Variants in CADM2 observed in about 807,000 individuals in gnomAD.
CADM2 encodes the protein immunoglobulin superfamily member 4D.
In CADM2, 12 loss-of-function variants were observed where a neutral mutation model predicts 49.8. The ratio of observed to expected loss-of-function variants is 0.24; its 90% confidence interval spans 0.15 to 0.39. The LOEUF is 0.39. Ranked by LOEUF, CADM2 falls within the 10% of genes least tolerant of loss-of-function variation. CADM2 has a pLI of 1.00. For missense variants in CADM2, 378 were observed against 492.3 expected (o/e 0.77, Z 2.20); for synonymous variants, 214 against 175.4 (o/e 1.22, Z -1.74).
chr3:85,347,223 CAAAAAAAAAAAA>C (rs11331703), intron 1 of CADM2, among the ~76,000 whole-genome samples: 2 of 46,148 alleles, frequency 4.3e-5, no homozygotes, highest in South Asian at 1.2e-3. Flanking sequence ...CTCTGTCTCA[CAAAAAAAAAAAA>C]AAAAAAAAAA....
intron 1 of CADM2, among the ~76,000 whole-genome samples, chr3:85,700,811 C>T (rs1228881879): frequency 1.3e-5 from 2 of 152,148 alleles, no homozygotes; most frequent in African/African-American, 4.8e-5. Flanking sequence ...AACAACTTAA[C>T]AAGTCTCTAA....
At chr3:86,012,766 G>A in intron 8 of CADM2, 2 of 653,756 alleles carry the variant, frequency 3.1e-6, no homozygotes, top group Non-Finnish European at 5.4e-6. Context: ...GAGGAGGTCA[G>A]CAGATCGAGA....
intron 1 of CADM2, among the ~76,000 whole-genome samples, chr3:85,236,681 A>G (rs149881364): frequency 3.8e-4 from 58 of 152,248 alleles, no homozygotes; most frequent in Non-Finnish European, 7.4e-4. Context: ...ATAACAAGCT[A>G]TGCTACCATT....
rs982773310 is a variant in CADM2, at chr3:85,867,829, T to C, written c.239-15462T>C. On this transcript the variant is annotated intron_variant, in intron 3 of 9. Coordinates refer to ENST00000383699, the MANE Select transcript of CADM2 (RefSeq NM_001167675.2). ...CAAGTATAAGAAGACCTTCACGTGA[T>C]TGATATAATCACCACTTCCTTTTCC... Among the ~76,000 whole-genome samples the C allele has an allele frequency of 2.6e-5, 4 of 152,122 alleles. No homozygotes were observed. The South Asian group carries it at 6.2e-4, about 24-fold the overall frequency.
intron 1 of CADM2, among the ~76,000 whole-genome samples, chr3:85,277,142 A>G (rs1472001768): frequency 6.6e-6 from 1 of 151,410 alleles, no homozygotes; most frequent in African/African-American, 2.4e-5. Context: ...GGAACTGATG[A>G]TTATGTTTTT....
chr3:85,624,877 A>C (rs2064079356), intron 1 of CADM2, among the ~76,000 whole-genome samples: 1 of 152,110 alleles, frequency 6.6e-6, no homozygotes. Context: ...GTTTTGATAC[A>C]TCAGCAGATC....
intron 2 of CADM2, among the ~76,000 whole-genome samples, chr3:85,747,595 C>A (rs886939987): frequency 1.3e-5 from 2 of 152,010 alleles, no homozygotes; most frequent in Non-Finnish European, 2.9e-5. Context: ...AATGGTAAAA[C>A]CTTTATTCTT....
At chr3:85,636,762 C>T (rs2064500381) in intron 1 of CADM2, among the ~76,000 whole-genome samples, 1 of 152,158 alleles carries the variant, frequency 6.6e-6, no homozygotes, top group African/African-American at 2.4e-5. Flanking sequence ...TTTAAATACA[C>T]AAATACTTAT....
chr3:85,917,281 T>A (rs2108494098), intron 6 of CADM2, among the ~76,000 whole-genome samples: 1 of 152,340 alleles, frequency 6.6e-6, no homozygotes. Flanking sequence ...GGTTTTCTTC[T>A]AGGGTTTTTA....
chr3:85,972,962 C>T (rs1335605552), intron 8 of CADM2, among the ~76,000 whole-genome samples: 1 of 151,672 alleles, frequency 6.6e-6, no homozygotes, highest in Non-Finnish European at 1.5e-5. Context: ...CTTTTAAAAA[C>T]ACTGAAAACC....
chr3:85,696,107 G>A (rs929806845), intron 1 of CADM2, among the ~76,000 whole-genome samples: 1 of 151,788 alleles, frequency 6.6e-6, no homozygotes, highest in African/African-American at 2.4e-5. Context: ...CTTTTTAATG[G>A]AATTATTTGG....
At chr3:85,889,324 G>C (rs975840614) in intron 5 of CADM2, among the ~76,000 whole-genome samples, 1 of 152,106 alleles carries the variant, frequency 6.6e-6, no homozygotes, top group Non-Finnish European at 1.5e-5. Flanking sequence ...TAGAACAGTG[G>C]TTCTGAAGCT....
At chr3:85,287,291 T>G (rs895209712) in intron 1 of CADM2, among the ~76,000 whole-genome samples, 1 of 152,082 alleles carries the variant, frequency 6.6e-6, no homozygotes, top group African/African-American at 2.4e-5. Flanking sequence ...TTTTTTTTTT[T>G]CAAGTTGGCC....
Position 85,290,727 on chromosome 3 carries a change from C to A in CADM2, c.61+331059C>A, listed in dbSNP as rs551798052. Among the ~76,000 whole-genome samples, 25 of 152,248 alleles carry A rather than the reference C, an allele frequency of 1.6e-4. No individual in the cohort carries two copies. The South Asian group carries it at 5.0e-3, about 30-fold the overall frequency. ...CTCCAACAGACCTGCAGCTGAGGGT[C>A]CTGTCTGTTAGAAGGAAAACTAACA... On this transcript the variant is annotated intron_variant, in intron 1 of 9. Transcript: ENST00000383699.
chr3:85,552,644 T>G (rs1399588307), intron 1 of CADM2, among the ~76,000 whole-genome samples: 3 of 151,712 alleles, frequency 2.0e-5, no homozygotes, highest in Non-Finnish European at 4.4e-5. Flanking sequence ...CCTACCAAAG[T>G]GTTGGGATTA....
rs1362005276 is a variant in CADM2, at chr3:84,959,807, G to T, written c.61+139G>T. The T allele has an allele frequency of 1.7e-5, 13 of 785,368 alleles. No individual in the cohort carries two copies. The African/African-American group carries it at 1.7e-4, about 10-fold the overall frequency. The allele number at this position is 785,368 out of a possible 1,614,324, so 48.6% of individuals were successfully genotyped here. A position where few individuals can be genotyped will look rare whatever the true frequency, so the allele number is the denominator to read the frequency against. Reference sequence around the variant, plus strand: ...ACCCCCTCCCCCTACTCTCTGGTGCGGCAGGGGGCAGTGGCAGTTTGCACC... The same window carrying T: ...ACCCCCTCCCCCTACTCTCTGGTGCTGCAGGGGGCAGTGGCAGTTTGCACC... On this transcript the variant is annotated intron_variant, in intron 1 of 9. Coordinates refer to ENST00000383699, the MANE Select transcript of CADM2 (RefSeq NM_001167675.2).
chr3:85,426,202 C>A (rs2036396856), intron 1 of CADM2, among the ~76,000 whole-genome samples: 1 of 151,518 alleles, frequency 6.6e-6, no homozygotes, highest in Non-Finnish European at 1.5e-5. Flanking sequence ...AGAGTAGTGG[C>A]ATGAACATGG....
chr3:85,827,462 T>C (rs2073971149), intron 3 of CADM2, among the ~76,000 whole-genome samples: 1 of 145,390 alleles, frequency 6.9e-6, no homozygotes, highest in African/African-American at 2.6e-5. Context: ...TTTTCTTTAG[T>C]ATCAAATAAC....
intron 1 of CADM2, among the ~76,000 whole-genome samples, chr3:85,010,280 T>C (rs904094453): frequency 6.6e-6 from 1 of 152,110 alleles, no homozygotes; most frequent in Non-Finnish European, 1.5e-5. Flanking sequence ...AACATGGAGA[T>C]AGCACAAAAA....
Sources: allele counts gnomAD v4.1 joint callset (sites outside exome capture counted in the v4.1 genomes callset), GRCh38; gene constraint gnomAD v4.1.1; transcripts MANE v1.5; gene names NCBI Gene and HGNC (gene_info 2026-07-23, HGNC 2026-07-21).